Variants in OAS1 observed in about 807,000 individuals in gnomAD.
OAS1 encodes 2'-5'-oligoadenylate synthase 1.
Under a neutral mutation model 38.5 loss-of-function variants are expected in OAS1, and 24 were observed. The ratio of observed to expected loss-of-function variants is 0.62; its 90% CI spans 0.45 to 0.88. The LOEUF (loss-of-function observed/expected upper bound fraction) is 0.88. OAS1 is among the 40% of genes least tolerant of loss of function. OAS1 has a pLI of 0.00. For missense variants in OAS1, 482 were observed against 493.9 expected, an observed-to-expected ratio of 0.98 and a Z score of 0.23; for synonymous variants, 169 against 193.9, an observed-to-expected ratio of 0.87 and a Z score of 1.07.
Position 112,931,907 on chromosome 12 carries a change from C to A in OAS1, c.1197C>A (p.Asn399Lys), listed in dbSNP as rs754586511. Residue 399 changes from asparagine to lysine, a missense_variant, in exon 7 of 7, where the codon AAC (asparagine) becomes AAA (lysine). Coordinates refer to the OAS1 transcript ENST00000540589. The stretch of plus-strand genomic sequence containing the variant: ...ACCTCACACTGGTTGGCAGAAGGAA[C>A]TATACCAATAATTAGTGAACATGCG... 5 of 615,764 alleles carry A rather than the reference C, an allele frequency of 8.1e-6. No individual in the cohort carries two copies. In the African/African-American group the frequency reaches 1.9e-4, roughly 23 times the overall value. The allele number at this position is 615,764 out of a possible 1,614,324, so 38.1% of individuals were successfully genotyped here. A position where few individuals can be genotyped will look rare whatever the true frequency, so the allele number is the denominator to read the frequency against.
intron 2 of OAS1, among the ~76,000 whole-genome samples, chr12:112,909,241 C>A (rs929789310): frequency 6.6e-5 from 10 of 152,172 alleles, no homozygotes; most frequent in African/African-American, 2.2e-4. Context: ...GGAAGTGTAA[C>A]CTCTCAGAGG....
At chr12:112,908,430 C>A in intron 1 of OAS1, 106 bp from the exon 2 acceptor site, 1 of 1,078,946 alleles carries the variant, frequency 9.3e-7, no homozygotes, top group Non-Finnish European at 1.3e-6. Context: ...GCAATGCCTT[C>A]AGAACAGTGG....
chr12:112,928,740 T>C (rs1448995577), intron 6 of OAS1, among the ~76,000 whole-genome samples: 1 of 152,234 alleles, frequency 6.6e-6, no homozygotes, highest in Non-Finnish European at 1.5e-5. Context: ...GCAAGTCACA[T>C]GGCTGAGCAA....
chr12:112,930,858 G>C (rs1380102047), intron 6 of OAS1, among the ~76,000 whole-genome samples: 2 of 152,240 alleles, frequency 1.3e-5, no homozygotes, highest in Admixed American at 6.5e-5. Context: ...CATTCACTCA[G>C]TGAAGCCCAT....
Position 112,917,691 on chromosome 12 carries a change from G to A in OAS1, c.1029G>A (p.Trp343Ter). Residue 343 changes from tryptophan to a stop codon, truncating the protein, a stop_gained, in exon 5 of 6, where the codon TGG becomes TGA. Transcript: ENST00000202917. LOFTEE classifies it low-confidence loss of function (END_TRUNC). ...GGGATGGGTCCCCAGTGAGCTCCTG[G>A]ATTCTGCTGGTGAGACCTCCTGCTT... ...KNWDGSPVSSWILLAESNSAD... is the reference protein window; with the variant it reads ...KNWDGSPVSS 1 of 1,614,184 alleles carries A rather than the reference G, an allele frequency of 6.2e-7. No individual in the cohort carries two copies. The highest frequency in any genetic ancestry group is 1.3e-5 in the African/African-American group (1 of 75,036).
At chr12:112,927,764 G>A (rs1180593071) in intron 6 of OAS1, among the ~76,000 whole-genome samples, 1 of 152,118 alleles carries the variant, frequency 6.6e-6, no homozygotes, top group East Asian at 1.9e-4. Flanking sequence ...CAGATTTTCT[G>A]ATTTTTTTTT....
chr12:112,915,476 A>G (rs2043442930), intron 3 of OAS1, among the ~76,000 whole-genome samples: 1 of 152,158 alleles, frequency 6.6e-6, no homozygotes, highest in Non-Finnish European at 1.5e-5. Context: ...CCATTTGTCT[A>G]CGTGACTATT....
chr12:112,919,546 T>C lies in OAS1; in HGVS notation c.1196T>C (p.Ile399Thr). ...PQAEEDWTCT[I>T]L Reference sequence around the variant, plus strand: ...GCAGAAGAGGACTGGACCTGCACCATCCTCTGAATGCCAGTGCATCTTGGG... The same window carrying C: ...GCAGAAGAGGACTGGACCTGCACCACCCTCTGAATGCCAGTGCATCTTGGG... The change falls in exon 6 of 6, where the codon ATC becomes ACC. Residue 399 changes from isoleucine (I) to threonine (T), a missense_variant. Physicochemically the swap from Ile to Thr is moderately conservative, Grantham distance 89. Transcript: ENST00000202917. 6.2e-7 allele frequency: 1 copy of C among 1,614,152 alleles called. No homozygotes were observed.
intron 2 of OAS1, 26 bp from the exon 3 acceptor site, chr12:112,911,025 C>G: frequency 6.2e-7 from 1 of 1,603,546 alleles, no homozygotes; most frequent in Non-Finnish European, 8.5e-7. Context: ...GAGCTGACAC[C>G]TAAGTTGTAG....
At chr12:112,911,332 G>A (rs1278008865) in intron 3 of OAS1, 97 bp downstream of exon 3, 29 of 955,004 alleles carry the variant, frequency 3.0e-5, no homozygotes, top group Non-Finnish European at 2.6e-5. Flanking sequence ...GGGAAGAGGA[G>A]GGGGAGTGGT....
At chr12:112,917,827 T>A in intron 5 of OAS1, 127 bp downstream of exon 5, 2 of 1,599,706 alleles carry the variant, frequency 1.3e-6, no homozygotes, top group Non-Finnish European at 1.7e-6. Context: ...ATTCATATAG[T>A]GACAGGCTGT....
chr12:112,921,486 A>G (rs942263053), downstream of OAS1, among the ~76,000 whole-genome samples: 7 of 152,236 alleles, frequency 4.6e-5, no homozygotes, highest in African/African-American at 1.4e-4. Flanking sequence ...TCAGCCTTCC[A>G]TCTACAACAG....
In OAS1 at chr12:112,911,188, AC is replaced by A. The variant is rs750099581; in HGVS notation, c.609del (p.Lys204SerfsTer8). 1.2e-6 allele frequency: 2 copies of A among 1,613,710 alleles called. No homozygotes were observed. Among genetic ancestry groups the A allele is most frequent in the African/African-American group, 2.7e-5 (2 of 74,794 alleles). ...LQRDFLKQRP[T>X]KLKSLIRLVK... ...GAGAGACTTCCTGAAGCAGCGCCCC[AC>A]CAAGCTCAAGAGCCTCATCCGCCTA... On this transcript the variant is annotated frameshift_variant, in exon 3 of 6. Transcript: ENST00000202917. LOFTEE classifies it high-confidence loss of function.
intron 4 of OAS1, chr12:112,917,035 A>C: frequency 2.5e-6 from 1 of 395,126 alleles, no homozygotes; most frequent in Non-Finnish European, 4.7e-6. Context: ...GAACTGAAAT[A>C]AGAACAGCAG....
At chr12:112,909,814 C>T (rs573196303) in intron 2 of OAS1, among the ~76,000 whole-genome samples, 173 of 152,186 alleles carry the variant, frequency 1.1e-3, no homozygotes, top group African/African-American at 2.9e-3. Flanking sequence ...TGTCACACAC[C>T]GCACAAACGG....
At chr12:112,908,506 A>C in intron 1 of OAS1, 30 bp from the exon 2 acceptor site, 1 of 1,591,364 alleles carries the variant, frequency 6.3e-7, no homozygotes, top group East Asian at 2.2e-5. Context: ...CTCACTAAGC[A>C]TCAATTATTA....
At position 112,916,748 on chromosome 12, in the gene OAS1, C is replaced by T. The variant is rs143035510; in HGVS notation, c.884+10C>T. ...AGCTCACGAAACCCAGGTATGCTAT[C>T]CCCACATGGCTTAGCTCCCCTATGT... On this transcript the variant is annotated intron_variant, in intron 4 of 5. Transcript: ENST00000202917. 4.9e-4 allele frequency: 786 copies of T among 1,589,810 alleles called. 4 individuals are homozygous for T. The African/African-American group carries it at 8.3e-3, about 17-fold the overall frequency.
intron 6 of OAS1, among the ~76,000 whole-genome samples, chr12:112,929,653 A>G (rs1308174089): frequency 6.6e-6 from 1 of 152,192 alleles, no homozygotes; most frequent in East Asian, 1.9e-4. Context: ...TAACATCTTT[A>G]TTTTAGAGAT....
chr12:112,911,571 C>G (rs1032165677), intron 3 of OAS1, among the ~76,000 whole-genome samples: 3 of 152,110 alleles, frequency 2.0e-5, no homozygotes, highest in Admixed American at 6.5e-5. Context: ...CACACACACA[C>G]AGAGAGAGAG....
Sources: allele counts gnomAD v4.1 joint callset (sites outside exome capture counted in the v4.1 genomes callset), GRCh38; gene constraint gnomAD v4.1.1; transcripts MANE v1.5; gene names NCBI Gene and HGNC (gene_info 2026-07-23, HGNC 2026-07-21).